Variants in ESRRG observed in about 807,000 individuals in gnomAD.
The protein encoded by ESRRG is estrogen related receptor gamma, also known as estrogen-related receptor gamma.
ESRRG carries 13 observed loss-of-function variants against 44.0 expected under a neutral mutation model. The ratio of observed to expected loss-of-function variants is 0.30; its 90% CI spans 0.19 to 0.47. ESRRG has a LOEUF of 0.47. Ranked by LOEUF, ESRRG falls within the 20% of genes least tolerant of loss-of-function variation. The probability of loss-of-function intolerance (pLI) is 1.00; values close to 1 mark genes in which losing one functional copy is unlikely to be tolerated. For missense variants in ESRRG, 395 were observed against 580.6 expected (o/e 0.68, Z 3.29); for synonymous variants, 215 against 214.6 (o/e 1.00, Z -0.02).
At chr1:216,875,848 GT>G (rs2096343253) in intron 2 of ESRRG, among the ~76,000 whole-genome samples, 1 of 151,360 alleles carries the variant, frequency 6.6e-6, no homozygotes, top group Non-Finnish European at 1.5e-5. Context: ...TTCCAGAGTG[GT>G]TTTCCCAATC....
rs565318364 is a variant in ESRRG at position 216,621,950 on chromosome 1, G to A, written c.589+29023C>T. ...TGCAGTGATGTGCTTACTAGACTGC[G>A]CCTATCCTCTCCTTTCTGCCATCAC... On this transcript the variant is annotated intron_variant, in intron 3 of 6. Transcript: ENST00000408911. 3.5e-4 allele frequency among the ~76,000 whole-genome samples: 53 copies of A among 152,202 alleles called. 1 individual carries two copies. The South Asian group carries it at 8.3e-3, about 24-fold the overall frequency.
chr1:216,931,470 T>C (rs997835347), intron 2 of ESRRG, among the ~76,000 whole-genome samples: 3 of 152,174 alleles, frequency 2.0e-5, no homozygotes, highest in Admixed American at 1.3e-4. Context: ...TTCCCAAAGT[T>C]TTCCAGCTCC....
chr1:216,736,585 C>T (rs1440438168), intron 2 of ESRRG, among the ~76,000 whole-genome samples: 1 of 152,100 alleles, frequency 6.6e-6, no homozygotes, highest in Non-Finnish European at 1.5e-5. Context: ...CCCTCTTTCT[C>T]AGAGAAGCAA....
intron 2 of ESRRG, among the ~76,000 whole-genome samples, chr1:216,899,177 A>G (rs1382754204): frequency 6.6e-6 from 1 of 152,170 alleles, no homozygotes; most frequent in African/African-American, 2.4e-5. Flanking sequence ...ATGACAAGAA[A>G]GTTTCAGGGC....
intron 1 of ESRRG, among the ~76,000 whole-genome samples, chr1:216,948,245 C>T (rs1321443553): frequency 6.6e-6 from 1 of 151,898 alleles, no homozygotes; most frequent in African/African-American, 2.4e-5. Context: ...GAGGAATGGT[C>T]AAGATTAGGA....
intron 2 of ESRRG, among the ~76,000 whole-genome samples, chr1:216,881,157 T>G (rs2096440793): frequency 6.6e-6 from 1 of 152,212 alleles, no homozygotes; most frequent in South Asian, 2.1e-4. Context: ...TTGGTAAATA[T>G]TGGAGTGAAC....
intron 2 of ESRRG, among the ~76,000 whole-genome samples, chr1:216,923,659 G>A (rs1213860187): frequency 1.3e-5 from 2 of 152,202 alleles, no homozygotes; most frequent in Non-Finnish European, 2.9e-5. Context: ...AGTGGCAGCA[G>A]GTTTTAAGGA....
chr1:217,109,184 A>G (rs1361300529), intron 1 of ESRRG, among the ~76,000 whole-genome samples: 1 of 152,184 alleles, frequency 6.6e-6, no homozygotes, highest in Non-Finnish European at 1.5e-5. Flanking sequence ...CTCAGGTATA[A>G]ACCAATGAAG....
chr1:216,725,869 A>T (rs1325734479), upstream of ESRRG, among the ~76,000 whole-genome samples: 2 of 152,186 alleles, frequency 1.3e-5, no homozygotes, highest in Non-Finnish European at 2.9e-5. Context: ...TTATGCTGTG[A>T]CAGAACCTCT....
chr1:216,872,825 G>C (rs1237609480), intron 2 of ESRRG, among the ~76,000 whole-genome samples: 3 of 152,124 alleles, frequency 2.0e-5, no homozygotes, highest in Non-Finnish European at 4.4e-5. Flanking sequence ...TTGCCTTCTT[G>C]ATGTAGGTTG....
At chr1:216,679,501 A>C (rs1232216051) in intron 1 of ESRRG, among the ~76,000 whole-genome samples, 1 of 152,140 alleles carries the variant, frequency 6.6e-6, no homozygotes, top group East Asian at 1.9e-4. Flanking sequence ...CTAGAGTTAG[A>C]AGTTTTTAGG....
At chr1:216,656,347 C>A (rs1407391258) in intron 2 of ESRRG, among the ~76,000 whole-genome samples, 1 of 152,144 alleles carries the variant, frequency 6.6e-6, no homozygotes, top group Non-Finnish European at 1.5e-5. Context: ...GGAACCAAAT[C>A]AACATGGAAG....
At chr1:216,834,877 G>T (rs766616691) in intron 2 of ESRRG, among the ~76,000 whole-genome samples, 67 of 152,176 alleles carry the variant, frequency 4.4e-4, no homozygotes, top group Non-Finnish European at 6.8e-4. Flanking sequence ...ACAGCAGAAA[G>T]CACTGAGACA....
At chr1:216,914,736 G>T (rs903444977) in intron 2 of ESRRG, among the ~76,000 whole-genome samples, 1 of 152,092 alleles carries the variant, frequency 6.6e-6, no homozygotes, top group Non-Finnish European at 1.5e-5. Context: ...TAATAATCTG[G>T]CAGTGCTGAC....
chr1:216,856,117 C>G (rs532115186), intron 2 of ESRRG, among the ~76,000 whole-genome samples: 1 of 151,184 alleles, frequency 6.6e-6, no homozygotes, highest in African/African-American at 2.4e-5. Flanking sequence ...CTTTTTTTCC[C>G]GGTCTTCCCT....
intron 2 of ESRRG, among the ~76,000 whole-genome samples, chr1:216,759,151 T>C (rs1433763729): frequency 1.3e-5 from 2 of 151,742 alleles, no homozygotes; most frequent in Non-Finnish European, 2.9e-5. Flanking sequence ...CCTGGGAGAG[T>C]TCTAATTTGC....
At chr1:217,006,172 C>T (rs60358020) in intron 1 of ESRRG, among the ~76,000 whole-genome samples, 6 of 152,068 alleles carry the variant, frequency 3.9e-5, no homozygotes, top group Admixed American at 2.6e-4. Flanking sequence ...AATAAACATA[C>T]ACTCAATGTT....
rs142803578 is a variant in ESRRG at position 216,623,377 on chromosome 1, T to C, written c.589+27596A>G. 8.3e-4 allele frequency among the ~76,000 whole-genome samples: 127 copies of C among 152,306 alleles called. 2 individuals are homozygous for C. Among genetic ancestry groups the C allele is most frequent in the African/African-American group, 2.8e-3 (117 of 41,560 alleles). On this transcript the variant is annotated intron_variant, in intron 3 of 6. Coordinates refer to ENST00000408911, the MANE Select transcript of ESRRG (RefSeq NM_001438.4). ...ACAGGGAAGATACTGCTTGCAGCATTATATAGATTAGCATCACCCATATAG... is the reference window on the plus strand; with the variant it reads ...ACAGGGAAGATACTGCTTGCAGCATCATATAGATTAGCATCACCCATATAG...
At chr1:216,946,743 G>A (rs1213809961) in intron 1 of ESRRG, among the ~76,000 whole-genome samples, 1 of 151,240 alleles carries the variant, frequency 6.6e-6, no homozygotes, top group Non-Finnish European at 1.5e-5. Context: ...TTTTTAGGGA[G>A]TCTCCCTCTG....
Sources: gnomAD v4.1 joint callset for allele counts (sites outside exome capture counted in the v4.1 genomes callset) on GRCh38, gnomAD v4.1.1 for gene constraint, MANE v1.5 for transcripts, NCBI Gene and HGNC (gene_info 2026-07-23, HGNC 2026-07-21) for gene names.